The following NRG3 variants were observed in gnomAD, a reference collection of about 807,000 sequenced individuals.
NRG3 encodes pro-neuregulin-3, membrane-bound isoform.
NRG3 carries 31 observed loss-of-function variants against 66.9 expected under a neutral mutation model. The observed-to-expected ratio is 0.46, with a 90% CI of 0.35 to 0.63. The LOEUF (loss-of-function observed/expected upper bound fraction) is 0.63, where lower values mean the gene tolerates loss of function less well. NRG3 is among the 20% of genes least tolerant of loss of function. The pLI, the probability that NRG3 is intolerant of heterozygous loss-of-function variation, is 0.00. For synonymous variants in NRG3, 393 were observed against 359.4 expected (o/e 1.09, Z -1.06); for missense variants, 910 against 878.9 (o/e 1.04, Z -0.45).
chr10:82,782,977 A>G (rs2060183146), intron 3 of NRG3, among the ~76,000 whole-genome samples: 1 of 152,212 alleles, frequency 6.6e-6, no homozygotes, highest in African/African-American at 2.4e-5. Flanking sequence ...CTGGCAAACC[A>G]AATCCAGCAG....
intron 3 of NRG3, among the ~76,000 whole-genome samples, chr10:82,823,575 C>A (rs1020827246): frequency 3.3e-5 from 5 of 152,152 alleles, no homozygotes; most frequent in African/African-American, 4.8e-5. Context: ...GACTAAGGCA[C>A]TGATTCTCCC....
chr10:82,556,975 TC>T (rs1304920437), intron 2 of NRG3, among the ~76,000 whole-genome samples: 1 of 152,104 alleles, frequency 6.6e-6, no homozygotes, highest in Non-Finnish European at 1.5e-5. Context: ...ATGATCTCTT[TC>T]TTTTTATGGC....
Position 82,114,945 on chromosome 10 carries a change from G to A in NRG3, c.823+238782G>A, listed in dbSNP as rs183567793. Among the ~76,000 whole-genome samples, 258 of 152,158 alleles carry A rather than the reference G, an allele frequency of 1.7e-3. 2 individuals are homozygous for A. Among genetic ancestry groups the A allele is most frequent in the African/African-American group, 6.0e-3 (251 of 41,536 alleles). ...ATCATTGAATCATAGCACTTTTTTG[G>A]AGGACGTGTCTGTCTTCTCAATCGC... On this transcript the variant is annotated intron_variant, in intron 1 of 8. Transcript: ENST00000372141.
At chr10:82,230,452 C>T (rs2076400475) in intron 1 of NRG3, 1 of 152,082 alleles carries the variant, frequency 6.6e-6, no homozygotes, top group Admixed American at 6.6e-5. Context: ...AGGTCAATGC[C>T]TTTCCAGTGT....
intron 2 of NRG3, among the ~76,000 whole-genome samples, chr10:82,392,132 C>A (rs2086415588): frequency 6.6e-6 from 1 of 151,970 alleles, no homozygotes; most frequent in African/African-American, 2.4e-5. Flanking sequence ...TGTTATCACA[C>A]TCTGCTGTCT....
chr10:82,759,118 A>C (rs1419880690), intron 3 of NRG3, among the ~76,000 whole-genome samples: 1 of 152,012 alleles, frequency 6.6e-6, no homozygotes. Flanking sequence ...CTTACAAGTA[A>C]GTTCTCCATC....
intron 1 of NRG3, among the ~76,000 whole-genome samples, chr10:82,119,054 A>T (rs953115157): frequency 6.6e-6 from 1 of 152,194 alleles, no homozygotes; most frequent in African/African-American, 2.4e-5. Flanking sequence ...TCATGTATTT[A>T]TGAGGTACAA....
At chr10:82,673,107 T>C (rs566447844) in intron 2 of NRG3, among the ~76,000 whole-genome samples, 1 of 152,264 alleles carries the variant, frequency 6.6e-6, no homozygotes, top group South Asian at 2.1e-4. Context: ...GATCTATGCA[T>C]GAGGTCAATT....
intron 3 of NRG3, among the ~76,000 whole-genome samples, chr10:82,744,267 G>A (rs1217042445): frequency 3.3e-5 from 5 of 152,158 alleles, no homozygotes; most frequent in African/African-American, 1.2e-4. Flanking sequence ...CATTTGGGAT[G>A]CTATGAAAAA....
intron 2 of NRG3, among the ~76,000 whole-genome samples, chr10:82,552,620 T>G (rs1447343082): frequency 1.3e-5 from 2 of 152,154 alleles, no homozygotes; most frequent in African/African-American, 4.8e-5. Context: ...CTTAGCTAGA[T>G]GAGATAAAAC....
At chr10:82,127,792 A>G (rs1462314363) in intron 1 of NRG3, among the ~76,000 whole-genome samples, 3 of 151,946 alleles carry the variant, frequency 2.0e-5, no homozygotes, top group African/African-American at 7.2e-5. Context: ...GCAAAATGCA[A>G]GCATTTCAGA....
intron 2 of NRG3, among the ~76,000 whole-genome samples, chr10:82,720,883 G>A (rs942286168): frequency 1.4e-4 from 18 of 125,394 alleles, no homozygotes; most frequent in Non-Finnish European, 2.6e-4. Flanking sequence ...CTCTCTTTTA[G>A]CAGAAACTAA....
chr10:81,883,040 C>G (rs1265531446), intron 1 of NRG3, among the ~76,000 whole-genome samples: 2 of 152,116 alleles, frequency 1.3e-5, no homozygotes, highest in African/African-American at 4.8e-5. Context: ...CTTGATAAAG[C>G]AAAATATGTC....
At chr10:82,588,781 G>A (rs917414707) in intron 2 of NRG3, among the ~76,000 whole-genome samples, 6 of 152,120 alleles carry the variant, frequency 3.9e-5, no homozygotes, top group Admixed American at 6.5e-5. Context: ...GATTACAGGC[G>A]TGAGCCACCG....
intron 2 of NRG3, among the ~76,000 whole-genome samples, chr10:82,458,926 G>A (rs553906347): frequency 6.6e-6 from 1 of 152,040 alleles, no homozygotes; most frequent in East Asian, 1.9e-4. Context: ...CAGCTGCATT[G>A]CCTCCACTGG....
intron 1 of NRG3, among the ~76,000 whole-genome samples, chr10:81,886,136 G>A (rs1161761500): frequency 3.3e-5 from 5 of 152,104 alleles, no homozygotes; most frequent in South Asian, 2.1e-4. Flanking sequence ...TAACAAATCT[G>A]TACGTCCTGC....
intron 1 of NRG3, among the ~76,000 whole-genome samples, chr10:82,137,354 A>T (rs2132593849): frequency 6.6e-6 from 1 of 152,338 alleles, no homozygotes; most frequent in South Asian, 2.1e-4. Flanking sequence ...GAAGTGCCAG[A>T]ATATTAACTA....
In NRG3 at chr10:82,116,594, A is replaced by T. The variant is rs188017602; in HGVS notation, c.823+240431A>T. Among the ~76,000 whole-genome samples, 12 of 152,280 alleles carry T rather than the reference A, an allele frequency of 7.9e-5. No homozygotes were observed. The East Asian group carries it at 2.3e-3, about 29-fold the overall frequency. On this transcript the variant is annotated intron_variant, in intron 1 of 8. Coordinates refer to ENST00000372141, the MANE Select transcript of NRG3 (RefSeq NM_001010848.4). ...AAAATAACGAAAGCTTGCTCATTTAAGAGCCTATATTTTTTATTTCAAATG... is the reference window on the plus strand; with the variant it reads ...AAAATAACGAAAGCTTGCTCATTTATGAGCCTATATTTTTTATTTCAAATG...
intron 1 of NRG3, among the ~76,000 whole-genome samples, chr10:82,123,127 G>A (rs12269018): frequency 0.11 from 16,962 of 152,134 alleles, 1,069 homozygotes; most frequent in South Asian, 0.15. Flanking sequence ...GGTCTCCTAT[G>A]TTATTTTAAG....
Sources: gnomAD v4.1 joint callset for allele counts (sites outside exome capture counted in the v4.1 genomes callset) on GRCh38, gnomAD v4.1.1 for gene constraint, MANE v1.5 for transcripts, NCBI Gene and HGNC (gene_info 2026-07-23, HGNC 2026-07-21) for gene names.